Variants in GALNTL6 observed in about 807,000 individuals in gnomAD.
GALNTL6 encodes polypeptide N-acetylgalactosaminyltransferase like 6.
Under a neutral mutation model 73.7 loss-of-function variants are expected in GALNTL6, and 46 were observed. That is an observed-to-expected ratio of 0.62 (90% CI 0.49 to 0.80). The LOEUF is 0.80. Among genes scored for constraint, GALNTL6 ranks in the 30% least tolerant of loss-of-function variants. The pLI is 0.00. For synonymous variants in GALNTL6, 259 were observed against 263.7 expected (o/e 0.98, Z 0.17); for missense variants, 604 against 755.0 (o/e 0.80, Z 2.34).
chr4:172,924,691 T>C (rs1286527872), intron 8 of GALNTL6, among the ~76,000 whole-genome samples: 4 of 152,010 alleles, frequency 2.6e-5, no homozygotes, highest in Non-Finnish European at 4.4e-5. Flanking sequence ...CCTAAGGAAT[T>C]AAAAATAGCT....
Position 172,721,494 on chromosome 4 carries a change from A to T in GALNTL6, c.554-87867A>T, listed in dbSNP as rs189680681. 6.4e-4 allele frequency among the ~76,000 whole-genome samples: 98 copies of T among 152,338 alleles called. 1 individual carries two copies. The South Asian group carries it at 0.02, about 31-fold the overall frequency. ...ATAGAAAGGAAGTGTTTCAAGTTTT[A>T]AAAAACATAGGGAAACTATCAGATG... On this transcript the variant is annotated intron_variant, in intron 5 of 12. Transcript: ENST00000506823.
At chr4:171,913,447 C>G (rs565902186) in intron 2 of GALNTL6, among the ~76,000 whole-genome samples, 2 of 152,262 alleles carry the variant, frequency 1.3e-5, no homozygotes, top group Admixed American at 1.3e-4. Flanking sequence ...CAGCTGGATT[C>G]CCTTTATTTT....
chr4:172,850,354 G>A (rs1743746846), intron 7 of GALNTL6, among the ~76,000 whole-genome samples: 1 of 152,154 alleles, frequency 6.6e-6, no homozygotes, highest in Non-Finnish European at 1.5e-5. Context: ...TATAGAACCA[G>A]TCTATAGAGC....
chr4:172,176,769 A>T (rs573444218), intron 2 of GALNTL6, among the ~76,000 whole-genome samples: 53 of 152,306 alleles, frequency 3.5e-4, no homozygotes, highest in Non-Finnish European at 6.2e-4. Context: ...GGCCTGGGCA[A>T]CAAAGCAAGA....
chr4:172,209,546 G>A (rs1450177035), intron 2 of GALNTL6, among the ~76,000 whole-genome samples: 1 of 151,700 alleles, frequency 6.6e-6, no homozygotes, highest in Non-Finnish European at 1.5e-5. Context: ...TAACAAGTAC[G>A]TACAAACAAG....
chr4:172,078,779 G>A (rs1319905175), intron 2 of GALNTL6, among the ~76,000 whole-genome samples: 2 of 151,986 alleles, frequency 1.3e-5, no homozygotes, highest in Non-Finnish European at 2.9e-5. Flanking sequence ...CTTTTTTATA[G>A]GGAACTGAAA....
chr4:171,900,117 C>T (rs1737036985), intron 2 of GALNTL6, among the ~76,000 whole-genome samples: 1 of 152,016 alleles, frequency 6.6e-6, no homozygotes, highest in African/African-American at 2.4e-5. Context: ...TTTTCTTCCT[C>T]TAAACAGATA....
chr4:171,968,332 G>T (rs1466620333), intron 2 of GALNTL6, among the ~76,000 whole-genome samples: 1 of 152,024 alleles, frequency 6.6e-6, no homozygotes, highest in Admixed American at 6.5e-5. Context: ...TTCATTTTGG[G>T]GGTTCCAAGG....
intron 3 of GALNTL6, among the ~76,000 whole-genome samples, chr4:172,254,799 G>T (rs1379556818): frequency 6.6e-6 from 1 of 151,578 alleles, no homozygotes; most frequent in Non-Finnish European, 1.5e-5. Context: ...TTATTCAAAT[G>T]GCTTAGTAAT....
chr4:172,174,166 G>A (rs1447568017), intron 2 of GALNTL6, among the ~76,000 whole-genome samples: 8 of 152,170 alleles, frequency 5.3e-5, no homozygotes, highest in Non-Finnish European at 1.0e-4. Flanking sequence ...ATGGTAGCTT[G>A]AACTCTGATC....
intron 2 of GALNTL6, among the ~76,000 whole-genome samples, chr4:172,139,903 CA>C (rs942602308): frequency 2.0e-5 from 3 of 151,796 alleles, no homozygotes; most frequent in African/African-American, 7.3e-5. Flanking sequence ...GTGTTAATAC[CA>C]AAAAAACTTT....
intron 2 of GALNTL6, among the ~76,000 whole-genome samples, chr4:172,149,095 A>C (rs1010215195): frequency 6.6e-6 from 1 of 152,226 alleles, no homozygotes; most frequent in Admixed American, 6.5e-5. Flanking sequence ...GCATCAGTTT[A>C]TATTATTCTG....
Position 172,423,329 on chromosome 4 carries a change from G to A in GALNTL6, c.553+74640G>A, listed in dbSNP as rs1731114820. 2.6e-5 allele frequency among the ~76,000 whole-genome samples: 4 copies of A among 152,046 alleles called. No individual in the cohort carries two copies. The South Asian group carries it at 8.3e-4, about 32-fold the overall frequency. ...GCATTTCTCACAGAACAAAAGCCAA[G>A]GTGCTTATGGTGATCCATTTGGCAT... is the stretch of plus-strand genomic sequence containing the variant. On this transcript the variant is annotated intron_variant, in intron 5 of 12. Coordinates refer to ENST00000506823, the MANE Select transcript of GALNTL6 (RefSeq NM_001034845.3).
At chr4:172,788,057 A>G (rs192435953) in intron 5 of GALNTL6, among the ~76,000 whole-genome samples, 1 of 152,160 alleles carries the variant, frequency 6.6e-6, no homozygotes, top group Non-Finnish European at 1.5e-5. Flanking sequence ...GCTAAAGAGA[A>G]GGAGCAGGCT....
rs751211923 is a variant in GALNTL6 at position 171,813,507 on chromosome 4, C to G, written c.-653C>G. 2.0e-5 allele frequency: 3 copies of G among 152,424 alleles called. No homozygotes were observed. The highest frequency in any genetic ancestry group is 4.4e-5 in the Non-Finnish European group (3 of 68,184). 9.4% of individuals were successfully genotyped at this position (152,424 alleles called of 1,614,324 possible). A position where few individuals can be genotyped will look rare whatever the true frequency, so the allele number is the denominator to read the frequency against. The stretch of plus-strand genomic sequence containing the variant: ...CTCCGCCTTCCGCTCCTCCTCGCAG[C>G]GCCCTCGTCCGCTTCCAAGCCCAGC... On this transcript the variant is annotated 5_prime_UTR_variant, in exon 1 of 13. Coordinates refer to ENST00000506823, the MANE Select transcript of GALNTL6 (RefSeq NM_001034845.3). The surrounding 1 kb of genome is among the most constrained non-coding windows in gnomAD (Gnocchi z 5.2).
intron 7 of GALNTL6, among the ~76,000 whole-genome samples, chr4:172,835,839 C>T (rs1742885052): frequency 6.6e-6 from 1 of 152,168 alleles, no homozygotes. Flanking sequence ...AGACGTGTCT[C>T]TGAATACATT....
intron 7 of GALNTL6, among the ~76,000 whole-genome samples, chr4:172,881,257 G>T (rs1208748698): frequency 6.6e-6 from 1 of 152,166 alleles, no homozygotes; most frequent in Non-Finnish European, 1.5e-5. Context: ...AATTCAGTGG[G>T]TGAAAAATGG....
At chr4:172,119,280 A>C (rs887109274) in intron 2 of GALNTL6, among the ~76,000 whole-genome samples, 3 of 152,180 alleles carry the variant, frequency 2.0e-5, no homozygotes, top group African/African-American at 4.8e-5. Context: ...TCTCACTCTA[A>C]CATTGCATTT....
At chr4:172,541,056 A>G (rs1735534770) in intron 5 of GALNTL6, among the ~76,000 whole-genome samples, 1 of 152,198 alleles carries the variant, frequency 6.6e-6, no homozygotes, top group Non-Finnish European at 1.5e-5. Context: ...TCTGTCAAAG[A>G]AAGATATTTT....
Sources: allele counts gnomAD v4.1 joint callset (sites outside exome capture counted in the v4.1 genomes callset), GRCh38; gene constraint gnomAD v4.1.1; non-coding constraint Gnocchi (gnomAD v3.1); transcripts MANE v1.5; gene names NCBI Gene and HGNC (gene_info 2026-07-23, HGNC 2026-07-21).